Variants in KIAA0319 observed in about 807,000 individuals in gnomAD.
KIAA0319 encodes dyslexia-associated protein KIAA0319.
KIAA0319 carries 83 observed loss-of-function variants against 108.4 expected under a neutral mutation model. The ratio of observed to expected loss-of-function variants is 0.77; its 90% CI spans 0.64 to 0.92. The LOEUF is 0.92. Ranked by LOEUF, KIAA0319 falls within the 40% of genes least tolerant of loss-of-function variation. The pLI, the probability that KIAA0319 is intolerant of heterozygous loss-of-function variation, is 0.00. For missense variants in KIAA0319, 1,195 were observed against 1,322.4 expected, an observed-to-expected ratio of 0.90 and a Z score of 1.49; for synonymous variants, 484 against 510.4, an observed-to-expected ratio of 0.95 and a Z score of 0.70.
At chr6:24,549,385 G>A (rs76154108) in intron 20 of KIAA0319, among the ~76,000 whole-genome samples, 1 of 151,448 alleles carries the variant, frequency 6.6e-6, no homozygotes, top group East Asian at 1.9e-4. Flanking sequence ...ACCATGTGAG[G>A]ATGCAGTGAG....
chr6:24,541,421 A>G (rs751165939), downstream of KIAA0319, among the ~76,000 whole-genome samples: 9 of 152,166 alleles, frequency 5.9e-5, no homozygotes, highest in Non-Finnish European at 1.2e-4. Flanking sequence ...TTAATTAATC[A>G]CATCTCTTTA....
chr6:24,576,627 A>C (rs368236880), intron 9 of KIAA0319, 31 bp from the exon 10 acceptor site: 160 of 1,562,088 alleles, frequency 1.0e-4, no homozygotes, highest in South Asian at 6.3e-4. Context: ...CGTAGTTGGA[A>C]GAATATGCCA....
Position 24,546,113 on chromosome 6 carries a change from C to T in KIAA0319, c.*1052G>A, listed in dbSNP as rs961608497. 5.3e-5 allele frequency: 8 copies of T among 152,070 alleles called. No individual in the cohort carries two copies. Among genetic ancestry groups the T allele is most frequent in the South Asian group, 2.1e-4 (1 of 4,830 alleles). 9.4% of individuals were successfully genotyped at this position (152,070 alleles called of 1,614,324 possible). A position where few individuals can be genotyped will look rare whatever the true frequency, so the allele number is the denominator to read the frequency against. ...TTTCATGTTTGAAATAAGATTTATT[C>T]GGTAGAAAAACTTAAATGTATTTTT... On this transcript the variant is annotated 3_prime_UTR_variant, in exon 21 of 21. Transcript: ENST00000378214.
intron 1 of KIAA0319, among the ~76,000 whole-genome samples, chr6:24,620,401 T>C (rs6939200): frequency 0.16 from 23,647 of 152,174 alleles, 2,700 homozygotes; most frequent in East Asian, 0.45. Context: ...CCTGGATTCA[T>C]GCAATTCTTC....
In KIAA0319 at chr6:24,601,162, G is replaced by C. The variant is rs1770574767; in HGVS notation, c.-59C>G. 6.3e-6 allele frequency: 10 copies of C among 1,594,236 alleles called. No homozygotes were observed. The highest frequency in any genetic ancestry group is 7.7e-6 in the Non-Finnish European group (9 of 1,170,458). ...GAGGCGGCCCTGAAGAGAGTTTGGTGCAAGCTTCCTTTGATGTTTTTTAGG... is the reference window on the plus strand; with the variant it reads ...GAGGCGGCCCTGAAGAGAGTTTGGTCCAAGCTTCCTTTGATGTTTTTTAGG... On this transcript the variant is annotated 5_prime_UTR_variant, in exon 2 of 21. Transcript: ENST00000378214.
Position 24,566,601 on chromosome 6 carries a change from GC to G in KIAA0319, c.2287del (p.Ala763LeufsTer58). ...LWIRDGQSPA[A>X]GDVIDGSDHS... ...CAATTCTCTCTCAGTACTCACTCCA[GC>G]TGCTGGACTCTGGCCATCCCGGATC... On this transcript the variant is annotated frameshift_variant, in exon 14 of 21. Coordinates refer to ENST00000378214, the MANE Select transcript of KIAA0319 (RefSeq NM_014809.4). LOFTEE classifies it high-confidence loss of function. The G allele has an allele frequency of 1.2e-6, 2 of 1,607,940 alleles. No individual in the cohort carries two copies. The highest frequency in any genetic ancestry group is 1.7e-6 in the Non-Finnish European group (2 of 1,177,798).
intron 18 of KIAA0319, among the ~76,000 whole-genome samples, chr6:24,555,333 C>A (rs575460311): frequency 6.6e-6 from 1 of 151,948 alleles, no homozygotes; most frequent in Non-Finnish European, 1.5e-5. Context: ...CCTGTGTCTA[C>A]TAAAAATACA....
rs767248792 is a variant in KIAA0319, at chr6:24,579,898, C to T, written c.1332G>A (p.Glu444=). The T allele has an allele frequency of 3.1e-6, 5 of 1,604,460 alleles. No homozygotes were observed. In the East Asian group the frequency reaches 1.1e-4, roughly 36 times the overall value. The change falls in exon 8 of 21, where the codon GAG becomes GAA. Residue 444 remains glutamate, a synonymous_variant. Transcript: ENST00000378214. ...GGGCTGACGTCAAAGGCAAAGTGAG[C>T]TCTTGCAGTTGGGGAGAAACAACTG... The part of the protein sequence containing the change: ...PVAVVSPQLQ[E]LTLPLTSALI...
chr6:24,610,744 G>A (rs532372698), intron 1 of KIAA0319, among the ~76,000 whole-genome samples: 2 of 152,000 alleles, frequency 1.3e-5, no homozygotes, highest in South Asian at 4.2e-4. Context: ...AACATAGGCT[G>A]AGCCTATGGT....
chr6:24,582,005 G>A (rs1766631639), intron 6 of KIAA0319, among the ~76,000 whole-genome samples: 1 of 152,194 alleles, frequency 6.6e-6, no homozygotes, highest in African/African-American at 2.4e-5. Flanking sequence ...AATTAGCCGG[G>A]TGTGGTGACG....
At chr6:24,550,763 C>T (rs776071730) in intron 20 of KIAA0319, among the ~76,000 whole-genome samples, 9 of 151,874 alleles carry the variant, frequency 5.9e-5, no homozygotes, top group Non-Finnish European at 1.0e-4. Context: ...ACCCTCCACC[C>T]GCGAGTAGAA....
At chr6:24,644,019 C>A (rs1777295587) in intron 1 of KIAA0319, among the ~76,000 whole-genome samples, 1 of 152,238 alleles carries the variant, frequency 6.6e-6, no homozygotes, top group African/African-American at 2.4e-5. Flanking sequence ...TACAGCAGTG[C>A]CTCAATAACA....
chr6:24,596,573 G>A lies in KIAA0319; in HGVS notation c.101C>T (p.Ala34Val). 1.2e-6 allele frequency: 2 copies of A among 1,613,400 alleles called. No individual in the cohort carries two copies. The change falls in exon 3 of 21, where the codon GCA becomes GTA. Residue 34 changes from alanine (A) to valine (V), a missense_variant. Ala to Val is a moderately conservative substitution (Grantham distance 64). Coordinates refer to ENST00000378214, the MANE Select transcript of KIAA0319 (RefSeq NM_014809.4). ...QCSEGRTYSN[A>V]VISPNLETTR... ...GGTTTCCAAGTTAGGTGAAATGACT[G>A]CATTGGAATATGTCCTCCCCTCGCT...
intron 2 of KIAA0319, 29 bp downstream of exon 2, chr6:24,601,020 C>A (rs745450046): frequency 6.2e-7 from 1 of 1,613,672 alleles, no homozygotes; most frequent in Non-Finnish European, 8.5e-7. Flanking sequence ...AAGTCCAACA[C>A]GGGTATCTCC....
chr6:24,591,368 G>T (rs1437548999), intron 3 of KIAA0319, among the ~76,000 whole-genome samples: 3 of 152,158 alleles, frequency 2.0e-5, no homozygotes, highest in African/African-American at 4.8e-5. Context: ...AGCATTTTAG[G>T]AGGCCAAAGC....
chr6:24,576,546 AG>A lies in KIAA0319; in HGVS notation c.1555del (p.Leu519Ter). 1 of 1,614,162 alleles carries A rather than the reference AG, an allele frequency of 6.2e-7. No homozygotes were observed. The highest frequency in any genetic ancestry group is 2.2e-5 in the East Asian group (1 of 44,878). On this transcript the variant is annotated frameshift_variant, in exon 10 of 21. Transcript: ENST00000378214. LOFTEE classifies it high-confidence loss of function. ...GTAGTCCACAGCATTGTTCACTATT[AG>A]GGCTGCAGTTGTAGAGTTAGTGGCT... ...DGATNSTTAALIVNNAVDYPP... is the reference protein window; with the variant it reads ...DGATNSTTAAXIVNNAVDYPP...
At chr6:24,640,748 G>T (rs1776808299) in intron 1 of KIAA0319, among the ~76,000 whole-genome samples, 2 of 152,000 alleles carry the variant, frequency 1.3e-5, no homozygotes, top group South Asian at 4.1e-4. Flanking sequence ...AACCTCCTGG[G>T]CTCAAATGAT....
chr6:24,564,363 G>T, intron 14 of KIAA0319, 23 bp from the exon 15 acceptor site: 1 of 1,613,774 alleles, frequency 6.2e-7, no homozygotes, highest in South Asian at 1.1e-5. Context: ...ACGGATCACA[G>T]GGCAGCTGTC....
At chr6:24,642,305 G>GAAAAC (rs981263583) in intron 1 of KIAA0319, among the ~76,000 whole-genome samples, 1 of 152,048 alleles carries the variant, frequency 6.6e-6, no homozygotes, top group African/African-American at 2.4e-5. Flanking sequence ...GAAAAGAAAA[G>GAAAAC]AAAGACATTT....
Sources: allele counts gnomAD v4.1 joint callset (sites outside exome capture counted in the v4.1 genomes callset), GRCh38; gene constraint gnomAD v4.1.1; transcripts MANE v1.5; gene names NCBI Gene and HGNC (gene_info 2026-07-23, HGNC 2026-07-21).